Variants in UNC5A observed in about 807,000 individuals in gnomAD.
UNC5A encodes unc-5 netrin receptor A.
A neutral mutation model predicts 87.4 loss-of-function variants in UNC5A; 20 were observed. The ratio of observed to expected loss-of-function variants is 0.23; its 90% CI spans 0.16 to 0.33. UNC5A has a LOEUF of 0.33. Among genes scored for constraint, UNC5A ranks in the 10% least tolerant of loss-of-function variants. The probability of loss-of-function intolerance (pLI) is 1.00; values close to 1 mark genes in which losing one functional copy is unlikely to be tolerated. For missense variants in UNC5A, 844 were observed against 1,133.4 expected (o/e 0.74, Z 3.67); for synonymous variants, 438 against 482.3 (o/e 0.91, Z 1.20).
intron 1 of UNC5A, among the ~76,000 whole-genome samples, chr5:176,826,041 G>C (rs1459957150): frequency 1.3e-5 from 2 of 152,216 alleles, no homozygotes; most frequent in Admixed American, 6.5e-5. Flanking sequence ...GCAGCAAAGG[G>C]CCTACTCTGG....
chr5:176,847,777 C>A (rs1171724000), intron 1 of UNC5A, among the ~76,000 whole-genome samples: 1 of 152,062 alleles, frequency 6.6e-6, no homozygotes, highest in Non-Finnish European at 1.5e-5. Flanking sequence ...AGCCAATGAC[C>A]CCTTCAAGAG....
intron 1 of UNC5A, among the ~76,000 whole-genome samples, chr5:176,818,598 G>A (rs564505068): frequency 3.3e-5 from 5 of 152,300 alleles, no homozygotes; most frequent in Admixed American, 2.0e-4. Flanking sequence ...AGGTCACACC[G>A]CAGGAAGTGG....
Position 176,878,056 on chromosome 5 carries a change from C to G in UNC5A, c.1798C>G (p.Pro600Ala). 2 of 1,609,786 alleles carry G rather than the reference C, an allele frequency of 1.2e-6. No individual in the cohort carries two copies. Among genetic ancestry groups the G allele is most frequent in the Non-Finnish European group, 1.7e-6 (2 of 1,179,944 alleles). The change falls in exon 11 of 15, where the codon CCG (proline) becomes GCG (alanine). Residue 600 changes from proline to alanine, a missense_variant. Around this residue, in one of 3 missense-constraint regions of UNC5A, gnomAD observed 353 missense variants for 387.5 expected, o/e 0.91. Transcript: ENST00000329542. The part of the protein sequence containing the change: ...AKRLKLLLFA[P>A]VACTSLEYNI... ...GCGCCTCAAGCTGCTTCTGTTTGCG[C>G]CGGTGGCCTGCACCTCCCTCGAGTA...
In UNC5A at chr5:176,824,632, C is replaced by G. The variant is rs530292931; in HGVS notation, c.70+13812C>G. ...GGCTTCTCTTGAAAAAGCAAAAGAT[C>G]TGGGCTGGGCCCAGCAAGCCCATTT... On this transcript the variant is annotated intron_variant, in intron 1 of 14. Coordinates refer to ENST00000329542, the MANE Select transcript of UNC5A (RefSeq NM_133369.3). The surrounding 1 kb of genome is among the most constrained non-coding windows in gnomAD (Gnocchi z 4.2). Among the ~76,000 whole-genome samples the G allele has an allele frequency of 2.0e-5, 3 of 152,288 alleles. No homozygotes were observed. The highest frequency in any genetic ancestry group is 4.1e-4 in the South Asian group (2 of 4,822).
Position 176,838,052 on chromosome 5 carries a change from G to A in UNC5A, c.71-24572G>A, listed in dbSNP as rs189188374. On this transcript the variant is annotated intron_variant, in intron 1 of 14. Transcript: ENST00000329542. This position sits in a 1 kb window ranked among gnomAD's most constrained non-coding sequence, Gnocchi z 4.2. ...AATAGTCAAAAACTTGCCCTTTGGA[G>A]CCTCCATTCTTTGTGGTGGGGACTC... Among the ~76,000 whole-genome samples the A allele has an allele frequency of 3.9e-5, 6 of 152,324 alleles. No individual in the cohort carries two copies. The highest frequency in any genetic ancestry group is 6.5e-5 in the Admixed American group (1 of 15,304).
rs1436379806 is a variant in UNC5A, at chr5:176,862,633, A to C, written c.80A>C (p.Gln27Pro). The C allele has an allele frequency of 6.2e-7, 1 of 1,613,360 alleles. No homozygotes were observed. The highest frequency in any genetic ancestry group is 1.1e-5 in the South Asian group (1 of 91,078). Residue 27 changes from glutamine (Q) to proline (P), a missense_variant, in exon 2 of 15, where the codon CAG becomes CCG. Coordinates refer to ENST00000329542, the MANE Select transcript of UNC5A (RefSeq NM_133369.3). The stretch of plus-strand genomic sequence containing the variant: ...CTCTGCCCTGCCGCAGGTGCCCAGC[A>C]GAGTGCCACCGTGGCCAACCCAGTG... ...AAWLRGSGAQ[Q>P]SATVANPVPG...
intron 1 of UNC5A, among the ~76,000 whole-genome samples, chr5:176,818,043 G>A (rs566944702): frequency 6.6e-6 from 1 of 152,070 alleles, no homozygotes; most frequent in African/African-American, 2.4e-5. Flanking sequence ...CGGGCGTCCA[G>A]CCTCCGGGCA....
intron 6 of UNC5A, among the ~76,000 whole-genome samples, chr5:176,871,903 C>T (rs1334449394): frequency 5.7e-5 from 1 of 17,636 alleles, no homozygotes; most frequent in African/African-American, 1.5e-4. Flanking sequence ...TGCCCACACT[C>T]GCCCCAACAC....
At chr5:176,823,500 C>T (rs1215820279) in intron 1 of UNC5A, among the ~76,000 whole-genome samples, 1 of 152,118 alleles carries the variant, frequency 6.6e-6, no homozygotes, top group Non-Finnish European at 1.5e-5. Context: ...CCTGGTGGTG[C>T]TGGGGCCATC....
chr5:176,855,833 G>A (rs1298749362), intron 1 of UNC5A, among the ~76,000 whole-genome samples: 1 of 152,342 alleles, frequency 6.6e-6, no homozygotes, highest in Admixed American at 6.5e-5. Context: ...CAGGGCTCAG[G>A]GGTGCAATGC....
At chr5:176,859,943 C>T (rs997431735) in intron 1 of UNC5A, among the ~76,000 whole-genome samples, 1 of 152,238 alleles carries the variant, frequency 6.6e-6, no homozygotes. Flanking sequence ...AGCTATGCCC[C>T]TTATTGGTCA....
chr5:176,830,598 A>C (rs1396543955), intron 1 of UNC5A, among the ~76,000 whole-genome samples: 4 of 93,500 alleles, frequency 4.3e-5, no homozygotes, highest in Admixed American at 3.6e-4. Context: ...TGGTGTGTGC[A>C]TGCTGGTGTG....
At chr5:176,857,875 G>C (rs889621144) in intron 1 of UNC5A, among the ~76,000 whole-genome samples, 2 of 152,228 alleles carry the variant, frequency 1.3e-5, no homozygotes, top group African/African-American at 4.8e-5. Context: ...CACGTCCCTT[G>C]CCAGTGGGAA....
rs763216191 is a variant in UNC5A at position 176,878,228 on chromosome 5, AC to A, written c.1870-14del. 9.3e-6 allele frequency: 15 copies of A among 1,609,098 alleles called. No individual in the cohort carries two copies. Among genetic ancestry groups the A allele is most frequent in the Non-Finnish European group, 1.3e-5 (15 of 1,178,806 alleles). ...CAGTGGGGAGGGGCCTGGGCTGACC[AC>A]CTGGGGCACTGCAGGAGGTGGTGCA... On this transcript the variant is annotated splice_polypyrimidine_tract_variant and intron_variant, in intron 11 of 14. Coordinates refer to ENST00000329542, the MANE Select transcript of UNC5A (RefSeq NM_133369.3).
intron 1 of UNC5A, among the ~76,000 whole-genome samples, chr5:176,811,220 A>T (rs563556891): frequency 6.6e-6 from 1 of 152,184 alleles, no homozygotes; most frequent in South Asian, 2.1e-4. Context: ...GGGTGCGGGG[A>T]ACGTTTAAGA....
Position 176,869,452 on chromosome 5 carries a change from C to T in UNC5A, c.721+488C>T, listed in dbSNP as rs934800126. On this transcript the variant is annotated intron_variant, in intron 5 of 14. Transcript: ENST00000329542. The surrounding 1 kb of genome is among the most constrained non-coding windows in gnomAD (Gnocchi z 9.1). Reference sequence around the variant, plus strand: ...CGTGCGTGCTGCAGGGCCCGGGGGCCAGCAGGCACGAGCATGGCCTCCCCC... The same window carrying T: ...CGTGCGTGCTGCAGGGCCCGGGGGCTAGCAGGCACGAGCATGGCCTCCCCC... Among the ~76,000 whole-genome samples the T allele has an allele frequency of 2.0e-5, 3 of 152,106 alleles. No individual in the cohort carries two copies. Among genetic ancestry groups the T allele is most frequent in the Non-Finnish European group, 4.4e-5 (3 of 67,990 alleles).
intron 1 of UNC5A, among the ~76,000 whole-genome samples, chr5:176,839,807 C>CTT (rs58515865): frequency 7.3e-5 from 9 of 123,884 alleles, no homozygotes; most frequent in Non-Finnish European, 9.9e-5. Flanking sequence ...CGGCCACTTC[C>CTT]TTTTTTTTTT....
intron 1 of UNC5A, among the ~76,000 whole-genome samples, chr5:176,819,384 G>C (rs115368025): frequency 1.4e-3 from 202 of 146,480 alleles, no homozygotes; most frequent in African/African-American, 5.3e-3. Flanking sequence ...AAAGGAAAAC[G>C]AAGAAGAAGG....
In UNC5A at chr5:176,880,127, G is replaced by A; in HGVS notation, c.*241G>A. 1.9e-6 allele frequency: 1 copy of A among 532,354 alleles called. No homozygotes were observed. The highest frequency in any genetic ancestry group is 3.3e-6 in the Non-Finnish European group (1 of 298,622). 33.0% of individuals were successfully genotyped at this position (532,354 alleles called of 1,614,324 possible). On this transcript the variant is annotated 3_prime_UTR_variant, in exon 15 of 15. Transcript: ENST00000329542. ...GGCCCCAGGGCCCAGGAGGGACAGT[G>A]CCTGGAGCCTGGGCCAGGCCCAGCC...
Sources: gnomAD v4.1 joint callset for allele counts (sites outside exome capture counted in the v4.1 genomes callset) on GRCh38, gnomAD v4.1.1 for gene constraint, gnomAD v4.1.1 regional missense constraint, Gnocchi (gnomAD v3.1) non-coding constraint, MANE v1.5 for transcripts, NCBI Gene and HGNC (gene_info 2026-07-23, HGNC 2026-07-21) for gene names.